Variants in MCTP1 observed in about 807,000 individuals in gnomAD.
MCTP1 encodes the protein multiple C2 and transmembrane domain-containing protein 1.
A neutral mutation model predicts 120.6 loss-of-function variants in MCTP1; 69 were observed. That is an observed-to-expected ratio of 0.57 (90% confidence interval 0.47 to 0.70). MCTP1 has a LOEUF of 0.70. MCTP1 is among the 30% of genes least tolerant of loss of function. The pLI is 0.00. For missense variants in MCTP1, 1,203 were observed against 1,248.8 expected, an observed-to-expected ratio of 0.96 and a Z score of 0.55; for synonymous variants, 529 against 493.1, an observed-to-expected ratio of 1.07 and a Z score of -0.96.
At chr5:95,062,222 T>C (rs1416840788) in intron 1 of MCTP1, among the ~76,000 whole-genome samples, 3 of 152,232 alleles carry the variant, frequency 2.0e-5, no homozygotes, top group South Asian at 2.1e-4. Flanking sequence ...GATGTCTTTA[T>C]AGAATCAAAA....
chr5:94,901,150 G>A (rs144786394), intron 10 of MCTP1, among the ~76,000 whole-genome samples: 33 of 152,286 alleles, frequency 2.2e-4, no homozygotes, highest in African/African-American at 7.5e-4. Context: ...AGTTCCACAC[G>A]GCTGGGGAGG....
chr5:95,097,728 A>C (rs1756378635), intron 1 of MCTP1, among the ~76,000 whole-genome samples: 1 of 152,216 alleles, frequency 6.6e-6, no homozygotes, highest in Non-Finnish European at 1.5e-5. Flanking sequence ...GGTAGCCTGG[A>C]TGAAGGTGTG....
intron 1 of MCTP1, among the ~76,000 whole-genome samples, chr5:95,183,586 C>A (rs968130290): frequency 1.3e-5 from 2 of 151,666 alleles, no homozygotes; most frequent in Non-Finnish European, 2.9e-5. Flanking sequence ...TATTGTATAT[C>A]CAAAATATAT....
chr5:94,930,043 A>G (rs776340205), intron 6 of MCTP1, among the ~76,000 whole-genome samples: 2 of 152,102 alleles, frequency 1.3e-5, no homozygotes, highest in Non-Finnish European at 2.9e-5. Flanking sequence ...CTGTATCTTC[A>G]GTTGGAAGCT....
chr5:94,913,377 T>C (rs1450578933), intron 8 of MCTP1, among the ~76,000 whole-genome samples: 1 of 152,188 alleles, frequency 6.6e-6, no homozygotes, highest in Non-Finnish European at 1.5e-5. Flanking sequence ...ATTTATGGTG[T>C]TTGAAGATCT....
chr5:94,729,702 A>C (rs947750963), intron 19 of MCTP1, among the ~76,000 whole-genome samples: 1 of 152,208 alleles, frequency 6.6e-6, no homozygotes, highest in Non-Finnish European at 1.5e-5. Flanking sequence ...GCTAAGGCAA[A>C]ATACAAACTC....
intron 17 of MCTP1, among the ~76,000 whole-genome samples, chr5:94,809,318 G>A (rs1277803870): frequency 2.0e-5 from 3 of 151,950 alleles, no homozygotes; most frequent in Admixed American, 2.0e-4. Context: ...GAGATGAAAG[G>A]CTCTGGCTTT....
At chr5:95,155,766 C>G (rs1745050582) in intron 1 of MCTP1, among the ~76,000 whole-genome samples, 3 of 152,140 alleles carry the variant, frequency 2.0e-5, no homozygotes. Flanking sequence ...GGATTCCTCC[C>G]CCATAGTGTT....
intron 1 of MCTP1, among the ~76,000 whole-genome samples, chr5:95,235,794 C>T (rs971235357): frequency 5.3e-5 from 8 of 152,232 alleles, no homozygotes; most frequent in African/African-American, 1.9e-4. Flanking sequence ...GATGATTCTA[C>T]AAAAATGCTA....
intron 1 of MCTP1, among the ~76,000 whole-genome samples, chr5:95,234,392 A>G (rs1755306130): frequency 6.6e-6 from 1 of 152,214 alleles, no homozygotes; most frequent in Admixed American, 6.5e-5. Flanking sequence ...TGAGAAGCTT[A>G]AATTTCTGTC....
chr5:94,904,327 G>A (rs183811315), intron 10 of MCTP1, among the ~76,000 whole-genome samples: 94 of 152,252 alleles, frequency 6.2e-4, no homozygotes, highest in East Asian at 5.6e-3. Flanking sequence ...ACTGCCCTCA[G>A]CCTCACTATT....
chr5:95,203,065 T>G (rs1301674537), intron 1 of MCTP1, among the ~76,000 whole-genome samples: 1 of 152,182 alleles, frequency 6.6e-6, no homozygotes, highest in Non-Finnish European at 1.5e-5. Flanking sequence ...AAAATTTTCT[T>G]CTACTCTTTC....
chr5:95,100,867 A>C (rs1211942195), intron 1 of MCTP1, among the ~76,000 whole-genome samples: 2 of 152,260 alleles, frequency 1.3e-5, no homozygotes, highest in African/African-American at 2.4e-5. Context: ...ACAAATTCAA[A>C]CAAAACAAAC....
At chr5:94,872,561 A>C (rs1798028656) in intron 13 of MCTP1, among the ~76,000 whole-genome samples, 1 of 152,170 alleles carries the variant, frequency 6.6e-6, no homozygotes, top group South Asian at 2.1e-4. Context: ...CTGTTTAAAA[A>C]ACCGAACTTA....
intron 1 of MCTP1, among the ~76,000 whole-genome samples, chr5:95,071,726 T>C (rs1752214776): frequency 6.6e-6 from 1 of 152,168 alleles, no homozygotes; most frequent in African/African-American, 2.4e-5. Flanking sequence ...TGTTGTAGAT[T>C]GAAAGTTTCA....
At chr5:94,931,906 A>T in intron 6 of MCTP1, 47 bp downstream of exon 6, 1 of 1,396,918 alleles carries the variant, frequency 7.2e-7, no homozygotes, top group Non-Finnish European at 1.0e-6. Context: ...AGCAGATGAT[A>T]GTTCTGCTCA....
At chr5:95,144,699 A>G (rs568481358) in intron 1 of MCTP1, among the ~76,000 whole-genome samples, 20 of 152,212 alleles carry the variant, frequency 1.3e-4, no homozygotes, top group African/African-American at 4.6e-4. Context: ...CAGCTTTGTC[A>G]ATGATCAGAT....
intron 19 of MCTP1, among the ~76,000 whole-genome samples, chr5:94,778,885 G>A (rs750649580): frequency 2.0e-5 from 3 of 151,994 alleles, no homozygotes; most frequent in African/African-American, 4.8e-5. Flanking sequence ...TTTTTTGTTT[G>A]TTCTTGGCAG....
intron 1 of MCTP1, among the ~76,000 whole-genome samples, chr5:95,245,390 C>G (rs529950327): frequency 3.0e-4 from 46 of 152,160 alleles, no homozygotes; most frequent in Non-Finnish European, 4.9e-4. Context: ...GAGCTAAAGG[C>G]GCATGTTCTA....
Sources: allele counts gnomAD v4.1 joint callset (sites outside exome capture counted in the v4.1 genomes callset), GRCh38; gene constraint gnomAD v4.1.1; transcripts MANE v1.5; gene names NCBI Gene and HGNC (gene_info 2026-07-23, HGNC 2026-07-21).